The following DEK variants were observed in gnomAD, a reference collection of about 807,000 sequenced individuals.
DEK encodes the protein protein DEK.
A neutral mutation model predicts 46.8 loss-of-function variants in DEK; 28 were observed. The ratio of observed to expected loss-of-function variants is 0.60; its 90% CI spans 0.44 to 0.82. The LOEUF (loss-of-function observed/expected upper bound fraction) is 0.82, where lower values mean the gene tolerates loss of function less well. Among genes scored for constraint, DEK ranks in the 40% least tolerant of loss-of-function variants. The pLI is 0.00. For missense variants in DEK, 416 were observed against 430.6 expected (o/e 0.97, Z 0.30); for synonymous variants, 160 against 144.5 (o/e 1.11, Z -0.77).
At position 18,257,954 on chromosome 6, in the gene DEK, G is replaced by C. The variant is rs754580267; in HGVS notation, c.356C>G (p.Thr119Ser). ...GTTTAAAGTGTAAAAAGGTCTTACA[G>C]TGCCTGGCCTGTTGTAAAGCAGTTT... Reference protein sequence around the residue: ...LHKLLYNRPGTVSSLKKNVGQ... With the variant: ...LHKLLYNRPGSVSSLKKNVGQ... The change falls in exon 4 of 11, where the codon ACT becomes AGT. Residue 119 changes from threonine (T) to serine (S), a missense_variant and splice_region_variant. Physicochemically the swap from Thr to Ser is moderately conservative, Grantham distance 58 (BLOSUM62 1). Coordinates refer to ENST00000652689, the MANE Select transcript of DEK (RefSeq NM_003472.4). 7 of 1,597,602 alleles carry C rather than the reference G, an allele frequency of 4.4e-6. No homozygotes were observed. Among genetic ancestry groups the C allele is most frequent in the Non-Finnish European group, 6.0e-6 (7 of 1,174,482 alleles).
intron 9 of DEK, among the ~76,000 whole-genome samples, chr6:18,231,879 C>G (rs1790428739): frequency 6.6e-6 from 1 of 152,160 alleles, no homozygotes; most frequent in Non-Finnish European, 1.5e-5. Context: ...CCACCATCAT[C>G]CTGATATCAA....
chr6:18,259,639 G>A (rs1209168513), intron 2 of DEK, among the ~76,000 whole-genome samples: 1 of 151,890 alleles, frequency 6.6e-6, no homozygotes, highest in Non-Finnish European at 1.5e-5. Flanking sequence ...CGTATCTTTT[G>A]AAAAAGATGC....
intron 7 of DEK, among the ~76,000 whole-genome samples, chr6:18,242,374 A>C (rs1171369241): frequency 6.6e-6 from 1 of 152,232 alleles, no homozygotes; most frequent in Non-Finnish European, 1.5e-5. Context: ...AAAAGAAGAA[A>C]GAATAATACG....
rs548883666 is a variant in DEK, at chr6:18,263,364, G to A, written c.145+479C>T. On this transcript the variant is annotated intron_variant, in intron 2 of 10. Coordinates refer to ENST00000652689, the MANE Select transcript of DEK (RefSeq NM_003472.4). ...CTTTTTGGTAAATGTAAAAATATTC[G>A]AAAGTATTCAAATACTTCCGGGTCT... is the stretch of plus-strand genomic sequence containing the variant. Among the ~76,000 whole-genome samples the A allele has an allele frequency of 2.0e-5, 3 of 152,248 alleles. No homozygotes were observed. In the East Asian group the frequency reaches 5.8e-4, roughly 29 times the overall value.
At chr6:18,234,893 A>C (rs567917111) in intron 9 of DEK, among the ~76,000 whole-genome samples, 1 of 152,088 alleles carries the variant, frequency 6.6e-6, no homozygotes, top group South Asian at 2.1e-4. Flanking sequence ...TTCATTAATA[A>C]CTCTTGCTTT....
At chr6:18,229,324 C>A (rs1464702417) in intron 9 of DEK, among the ~76,000 whole-genome samples, 2 of 152,206 alleles carry the variant, frequency 1.3e-5, no homozygotes, top group Admixed American at 6.5e-5. Flanking sequence ...ATTAGAGCGC[C>A]TCTTCTCCTC....
chr6:18,258,436 C>T (rs750014065), intron 2 of DEK, 31 bp from the exon 3 acceptor site: 13 of 1,530,008 alleles, frequency 8.5e-6, no homozygotes, highest in Non-Finnish European at 1.2e-5. Context: ...TCTTAATTAA[C>T]AAAAAGCTTA....
intron 2 of DEK, among the ~76,000 whole-genome samples, chr6:18,260,553 T>A (rs1167492994): frequency 6.6e-6 from 1 of 152,200 alleles, no homozygotes; most frequent in Non-Finnish European, 1.5e-5. Context: ...AAGAGTCATC[T>A]TTTACTAGTC....
rs773417178 is a variant in DEK, at chr6:18,258,294, A to G, written c.247+10T>C. ...CACCACAAAATGAAAGGAAGCTAGA[A>G]TAAACTTACCTTGTGCAATTGTAAA... On this transcript the variant is annotated intron_variant, in intron 3 of 10. Transcript: ENST00000652689. The G allele has an allele frequency of 1.3e-6, 2 of 1,599,310 alleles. No homozygotes were observed. The highest frequency in any genetic ancestry group is 1.7e-6 in the Non-Finnish European group (2 of 1,174,508).
At chr6:18,246,085 G>A (rs188723997) in intron 7 of DEK, among the ~76,000 whole-genome samples, 463 of 152,208 alleles carry the variant, frequency 3.0e-3, no homozygotes, top group Non-Finnish European at 5.4e-3. Context: ...CTCAGTCTTG[G>A]GTATGTCTTT....
At position 18,226,215 on chromosome 6, in the gene DEK, AATC is replaced by A; in HGVS notation, c.1072_1074del (p.Asp358del). The A allele has an allele frequency of 7.4e-7, 1 of 1,347,576 alleles. No individual in the cohort carries two copies. Among genetic ancestry groups the A allele is most frequent in the Non-Finnish European group, 9.9e-7 (1 of 1,009,724 alleles). The allele number at this position is 1,347,576 out of a possible 1,614,324, so 83.5% of individuals were successfully genotyped here. On this transcript the variant is annotated inframe_deletion, in exon 10 of 11. Transcript: ENST00000652689. The stretch of plus-strand genomic sequence containing the variant: ...TTTATGAAATCTTTTCTTTCAGTTA[AATC>A]ATAAGTAGGATAATTTTCATAGACC...
rs558724826 is a variant in DEK, at chr6:18,246,295, G to A, written c.762+3356C>T. ...TGCTCTCCTTTTACTGTTCTAAAAA[G>A]CCAATGTCCAAGAGACAAGCTAATA... On this transcript the variant is annotated intron_variant, in intron 7 of 10. Transcript: ENST00000652689. 2.6e-5 allele frequency among the ~76,000 whole-genome samples: 4 copies of A among 152,262 alleles called. No individual in the cohort carries two copies. The South Asian group carries it at 8.3e-4, about 32-fold the overall frequency.
At position 18,249,651 on chromosome 6, in the gene DEK, C is replaced by T. The variant is rs1412416623; in HGVS notation, c.762G>A (p.Glu254=). The part of the protein sequence containing the change: ...SDDEDKESEE[E]PPKKTAKREK... The stretch of plus-strand genomic sequence containing the variant: ...TTAAAAATATAGTAAAATATTTTAC[C>T]TCCTCTTCACTTTCTTTATCTTCAT... Residue 254 remains glutamate (E), a splice_region_variant and synonymous_variant, in exon 7 of 11, where the codon GAG becomes GAA. Coordinates refer to ENST00000652689, the MANE Select transcript of DEK (RefSeq NM_003472.4). 1.9e-6 allele frequency: 3 copies of T among 1,566,224 alleles called. No individual in the cohort carries two copies. The highest frequency in any genetic ancestry group is 1.7e-6 in the Non-Finnish European group (2 of 1,161,764).
chr6:18,227,883 C>CTT (rs1790211254), intron 9 of DEK, among the ~76,000 whole-genome samples: 1 of 152,194 alleles, frequency 6.6e-6, no homozygotes, highest in African/African-American at 2.4e-5. Flanking sequence ...TATGATTCCA[C>CTT]AACCTGAAAA....
chr6:18,262,830 TTTAC>T (rs1452105120), intron 2 of DEK, among the ~76,000 whole-genome samples: 90 of 152,332 alleles, frequency 5.9e-4, no homozygotes, highest in African/African-American at 2.1e-3. Flanking sequence ...AAAGCCATGC[TTTAC>T]TTAAATATGC....
intron 8 of DEK, among the ~76,000 whole-genome samples, chr6:18,236,876 C>G (rs992315182): frequency 4.6e-5 from 7 of 152,112 alleles, no homozygotes; most frequent in Non-Finnish European, 1.0e-4. Context: ...AGAGCACCAA[C>G]ATGACACCAC....
chr6:18,256,326 T>G (rs749592224), intron 5 of DEK, 35 bp downstream of exon 5: 2 of 1,539,066 alleles, frequency 1.3e-6, no homozygotes, highest in East Asian at 4.7e-5. Flanking sequence ...TTAAAGCATA[T>G]TGATCAAAAT....
At position 18,224,675 on chromosome 6, in the gene DEK, T is replaced by C; in HGVS notation, c.*1044A>G. The C allele has an allele frequency of 4.7e-6, 1 of 210,666 alleles. No individual in the cohort carries two copies. Among genetic ancestry groups the C allele is most frequent in the Non-Finnish European group, 9.6e-6 (1 of 103,712 alleles). 13.0% of individuals were successfully genotyped at this position (210,666 alleles called of 1,614,324 possible). A position where few individuals can be genotyped will look rare whatever the true frequency, so the allele number is the denominator to read the frequency against. ...GACATCCACGATTGCCTGCACATTA[T>C]ATTCTGGCATTATAATCTGGTACTT... On this transcript the variant is annotated 3_prime_UTR_variant, in exon 11 of 11. Transcript: ENST00000652689.
chr6:18,229,919 A>G lies in DEK; in HGVS notation c.1048-3677T>C, dbSNP rs574501268. On this transcript the variant is annotated intron_variant, in intron 9 of 10. Transcript: ENST00000652689. Reference sequence around the variant, plus strand: ...CTCGAGAAGAGCAACTCCAAGATACATAATTGCCAGATTCACCAAAGCTGA... The same window carrying G: ...CTCGAGAAGAGCAACTCCAAGATACGTAATTGCCAGATTCACCAAAGCTGA... Among the ~76,000 whole-genome samples the G allele has an allele frequency of 5.9e-5, 9 of 152,328 alleles. No individual in the cohort carries two copies. The South Asian group carries it at 1.0e-3, about 18-fold the overall frequency.
Sources: gnomAD v4.1 joint callset for allele counts (sites outside exome capture counted in the v4.1 genomes callset) on GRCh38, gnomAD v4.1.1 for gene constraint, MANE v1.5 for transcripts, NCBI Gene and HGNC (gene_info 2026-07-23, HGNC 2026-07-21) for gene names.